LMOD2: variants seen among roughly 807,000 people sequenced by gnomAD.
LMOD2 encodes the protein leiomodin 2, also known as leiomodin-2.
A neutral mutation model predicts 41.7 loss-of-function variants in LMOD2; 27 were observed. The observed-to-expected ratio is 0.65, with a 90% CI of 0.48 to 0.89. The LOEUF is 0.89. LMOD2 is among the 40% of genes least tolerant of loss of function. LMOD2 has a pLI of 0.00. For missense variants in LMOD2, 624 were observed against 667.9 expected, an observed-to-expected ratio of 0.93 and a Z score of 0.72; for synonymous variants, 251 against 244.6, an observed-to-expected ratio of 1.03 and a Z score of -0.25.
Position 123,663,854 on chromosome 7 carries a change from A to C in LMOD2, c.*109A>C. ...TCAATTCAAAATGATCCCTGACTTT[A>C]AAAATAATCTCACCCATTAATTCCA... On this transcript the variant is annotated 3_prime_UTR_variant, in exon 3 of 3. Transcript: ENST00000458573. 1 of 829,958 alleles carries C rather than the reference A, an allele frequency of 1.2e-6. No individual in the cohort carries two copies. Among genetic ancestry groups the C allele is most frequent in the Non-Finnish European group, 1.9e-6 (1 of 526,360 alleles). The allele number at this position is 829,958 out of a possible 1,614,324, so 51.4% of individuals were successfully genotyped here. A position where few individuals can be genotyped will look rare whatever the true frequency, so the allele number is the denominator to read the frequency against.
In LMOD2 at chr7:123,662,429, G is replaced by C. The variant is rs780450547; in HGVS notation, c.843G>C (p.Thr281=). 6.2e-7 allele frequency: 1 copy of C among 1,613,950 alleles called. No homozygotes were observed. Among genetic ancestry groups the C allele is most frequent in the African/African-American group, 1.3e-5 (1 of 75,040 alleles). Reference sequence around the variant, plus strand: ...TAAACGTCGAGTCCAACTTCATAACGGGAAAGGGGATCCTGGCCATCATGA... The same window carrying C: ...TAAACGTCGAGTCCAACTTCATAACCGGAAAGGGGATCCTGGCCATCATGA... ...TNVNVESNFI[T]GKGILAIMRA... Residue 281 remains threonine (T), a synonymous_variant, in exon 2 of 3, where the codon ACG becomes ACC. Coordinates refer to ENST00000458573, the MANE Select transcript of LMOD2 (RefSeq NM_207163.3). This position sits in a 1 kb window ranked among gnomAD's most constrained non-coding sequence, Gnocchi z 4.0.
chr7:123,663,228 G>A, intron 2 of LMOD2, 25 bp downstream of exon 2: 1 of 1,549,268 alleles, frequency 6.5e-7, no homozygotes, highest in Non-Finnish European at 8.7e-7. Flanking sequence ...AACAGACATA[G>A]GGGCACAGAT....
At chr7:123,663,679 G>T in intron 2 of LMOD2, 40 bp from the exon 3 acceptor site, 3 of 1,542,926 alleles carry the variant, frequency 1.9e-6, no homozygotes, top group Non-Finnish European at 2.6e-6. Flanking sequence ...CACTTATCAT[G>T]TGTGTTGTTT....
chr7:123,656,757 T>C (rs755947054), intron 1 of LMOD2, among the ~76,000 whole-genome samples: 2 of 151,774 alleles, frequency 1.3e-5, no homozygotes, highest in Non-Finnish European at 1.5e-5. Context: ...ACACTGAGAG[T>C]CACAGGGCCT....
rs374014905 is a variant in LMOD2 at position 123,662,462 on chromosome 7, C to A, written c.876C>A (p.Leu292=). The A allele has an allele frequency of 2.5e-6, 4 of 1,613,948 alleles. No homozygotes were observed. The African/African-American group carries it at 5.3e-5, about 22-fold the overall frequency. Reference sequence around the variant, plus strand: ...GGATCCTGGCCATCATGAGAGCTCTCCAGCACAACACGGTGCTCACGGAGC... The same window carrying A: ...GGATCCTGGCCATCATGAGAGCTCTACAGCACAACACGGTGCTCACGGAGC... The part of the protein sequence containing the change: ...GKGILAIMRA[L]QHNTVLTELR... Residue 292 remains leucine (L), a synonymous_variant, in exon 2 of 3, where the codon CTC becomes CTA. Coordinates refer to ENST00000458573, the MANE Select transcript of LMOD2 (RefSeq NM_207163.3). This position sits in a 1 kb window ranked among gnomAD's most constrained non-coding sequence, Gnocchi z 4.0.
chr7:123,657,223 T>C (rs1802802587), intron 1 of LMOD2, among the ~76,000 whole-genome samples: 1 of 151,942 alleles, frequency 6.6e-6, no homozygotes, highest in African/African-American at 2.4e-5. Context: ...GTAATGACAA[T>C]AAAGTGTCCA....
intron 1 of LMOD2, among the ~76,000 whole-genome samples, chr7:123,659,250 T>C (rs6944031): frequency 0.45 from 68,010 of 152,094 alleles, 15,568 homozygotes; most frequent in South Asian, 0.67. Flanking sequence ...CCTTATTCTA[T>C]ACCCTCCTTC....
chr7:123,656,292 A>C (rs1802786814), intron 1 of LMOD2, 56 bp downstream of exon 1: 3 of 1,513,976 alleles, frequency 2.0e-6, no homozygotes, highest in African/African-American at 1.4e-5. Context: ...CCCCATCCCA[A>C]ACCCAGACAC....
At chr7:123,660,642 G>A (rs1390674043) in intron 1 of LMOD2, among the ~76,000 whole-genome samples, 1 of 151,722 alleles carries the variant, frequency 6.6e-6, no homozygotes, top group Non-Finnish European at 1.5e-5. Flanking sequence ...GGAGGACAGG[G>A]CAGGGTCCCA....
Position 123,661,958 on chromosome 7 carries a change from G to A in LMOD2, c.372G>A (p.Glu124=), listed in dbSNP as rs1305752794. The A allele has an allele frequency of 1.9e-6, 3 of 1,555,488 alleles. No individual in the cohort carries two copies. In the African/African-American group the frequency reaches 4.1e-5, roughly 21 times the overall value. Reference sequence around the variant, plus strand: ...TGTATACAGAGGAGGAGGAGGAGGAGTCCCAGGAGGAAGAGGAGGAAGAAG... The same window carrying A: ...TGTATACAGAGGAGGAGGAGGAGGAATCCCAGGAGGAAGAGGAGGAAGAAG... ...EEVYTEEEEE[E]SQEEEEEEDS... is the part of the protein sequence containing the mutation. Residue 124 remains glutamate, a synonymous_variant, in exon 2 of 3, where the codon GAG becomes GAA. Transcript: ENST00000458573.
chr7:123,662,794 T>C lies in LMOD2; in HGVS notation c.1208T>C (p.Leu403Pro), dbSNP rs754439966. ...CACTCACCCTGGTCATCCCCAAAAC[T>C]CCCCAAAAAAGTCCAGACTGTGAGG... ...PRHSPWSSPK[L>P]PKKVQTVRSR... The change falls in exon 2 of 3, where the codon CTC becomes CCC. Residue 403 changes from leucine (L) to proline (P), a missense_variant. Leu to Pro is a moderately conservative substitution (Grantham distance 98, BLOSUM62 -3). Transcript: ENST00000458573. The surrounding 1 kb of genome is among the most constrained non-coding windows in gnomAD (Gnocchi z 4.0). 1 of 1,612,202 alleles carries C rather than the reference T, an allele frequency of 6.2e-7. No homozygotes were observed. The highest frequency in any genetic ancestry group is 2.2e-5 in the East Asian group (1 of 44,760).
intron 1 of LMOD2, among the ~76,000 whole-genome samples, chr7:123,660,588 CA>C (rs35874287): frequency 0.47 from 67,569 of 145,146 alleles, 15,333 homozygotes; most frequent in South Asian, 0.67. Flanking sequence ...CCCTCGAGGT[CA>C]AAAAAAAAAA....
intron 1 of LMOD2, among the ~76,000 whole-genome samples, chr7:123,656,877 C>G (rs530605636): frequency 6.6e-6 from 1 of 152,096 alleles, no homozygotes; most frequent in Non-Finnish European, 1.5e-5. Flanking sequence ...GTTTCTTTTG[C>G]GAATCAAGAA....
chr7:123,658,719 A>G (rs1218409265), intron 1 of LMOD2, among the ~76,000 whole-genome samples: 1 of 152,230 alleles, frequency 6.6e-6, no homozygotes, highest in Non-Finnish European at 1.5e-5. Flanking sequence ...GAAACTCATT[A>G]GAGGTTAAGA....
At position 123,661,957 on chromosome 7, in the gene LMOD2, A is replaced by C. The variant is rs200398787; in HGVS notation, c.371A>C (p.Glu124Ala). 11 of 1,556,500 alleles carry C rather than the reference A, an allele frequency of 7.1e-6. No homozygotes were observed. The highest frequency in any genetic ancestry group is 3.6e-5 in the South Asian group (3 of 84,372). Reference protein sequence around the residue: ...EEVYTEEEEEESQEEEEEEDS... With the variant: ...EEVYTEEEEEASQEEEEEEDS... ...GTGTATACAGAGGAGGAGGAGGAGG[A>C]GTCCCAGGAGGAAGAGGAGGAAGAA... Residue 124 changes from glutamate (E) to alanine (A), a missense_variant, in exon 2 of 3, where the codon GAG (glutamate) becomes GCG (alanine). Transcript: ENST00000458573.
intron 2 of LMOD2, chr7:123,663,471 G>A (rs975699323): frequency 1.2e-5 from 7 of 604,150 alleles, no homozygotes; most frequent in African/African-American, 1.1e-4. Context: ...ATTCCCTTAA[G>A]AAGAAAACCA....
At chr7:123,660,225 CTT>C (rs1802851298) in intron 1 of LMOD2, among the ~76,000 whole-genome samples, 2 of 152,068 alleles carry the variant, frequency 1.3e-5, no homozygotes, top group African/African-American at 2.4e-5. Flanking sequence ...GAGCCACACT[CTT>C]TTTCTTATGT....
At position 123,656,126 on chromosome 7, in the gene LMOD2, C is replaced by A; in HGVS notation, c.163C>A (p.Leu55Met). The A allele has an allele frequency of 1.2e-6, 2 of 1,610,492 alleles. No homozygotes were observed. The highest frequency in any genetic ancestry group is 2.2e-5 in the South Asian group (2 of 90,140). ...NLPVGLRQKSLTEKTPTGTFS... is the reference protein window; with the variant it reads ...NLPVGLRQKSMTEKTPTGTFS... Reference sequence around the variant, plus strand: ...TCCCGTGGGGCTAAGGCAAAAGAGCCTGACAGAGAAAACCCCCACAGGGAC... The same window carrying A: ...TCCCGTGGGGCTAAGGCAAAAGAGCATGACAGAGAAAACCCCCACAGGGAC... Residue 55 changes from leucine (L) to methionine (M), a missense_variant, in exon 1 of 3, where the codon CTG becomes ATG. Coordinates refer to ENST00000458573, the MANE Select transcript of LMOD2 (RefSeq NM_207163.3).
Position 123,662,374 on chromosome 7 carries a change from T to C in LMOD2, c.788T>C (p.Met263Thr). 1.9e-6 allele frequency: 3 copies of C among 1,613,946 alleles called. No individual in the cohort carries two copies. Among genetic ancestry groups the C allele is most frequent in the Non-Finnish European group, 2.5e-6 (3 of 1,179,886 alleles). ...AGTGCAGCCATGGCCATTGCAGAGA[T>C]GCTCAAAGTCAATGAGCACATCACC... ...DDSAAMAIAE[M>T]LKVNEHITNV... Residue 263 changes from methionine (M) to threonine (T), a missense_variant, in exon 2 of 3, where the codon ATG (methionine) becomes ACG (threonine). Transcript: ENST00000458573. This position sits in a 1 kb window ranked among gnomAD's most constrained non-coding sequence, Gnocchi z 4.0.
Sources: gnomAD v4.1 joint callset for allele counts (sites outside exome capture counted in the v4.1 genomes callset) on GRCh38, gnomAD v4.1.1 for gene constraint, Gnocchi (gnomAD v3.1) non-coding constraint, MANE v1.5 for transcripts, NCBI Gene and HGNC (gene_info 2026-07-23, HGNC 2026-07-21) for gene names.